Variants in KIF3A observed in about 807,000 individuals in gnomAD.
The protein encoded by KIF3A is kinesin family member 3A, also known as kinesin-like protein KIF3A.
Under a neutral mutation model 92.6 loss-of-function variants are expected in KIF3A, and 27 were observed. The ratio of observed to expected loss-of-function variants is 0.29; its 90% CI spans 0.21 to 0.40. The LOEUF (loss-of-function observed/expected upper bound fraction) is 0.40, where lower values mean the gene tolerates loss of function less well. KIF3A is among the 10% of genes least tolerant of loss of function. KIF3A has a pLI of 1.00. For synonymous variants in KIF3A, 250 were observed against 275.4 expected (o/e 0.91, Z 0.92); for missense variants, 581 against 872.6 (o/e 0.67, Z 4.21).
At position 132,737,360 on chromosome 5, in the gene KIF3A, G is replaced by A. The variant is rs571706875; in HGVS notation, c.6+54C>T. ...CCTCCATGGCAACGGCCGCGCCCCC[G>A]GGCCAGGCCGCTAGGATGAGAAGAA... On this transcript the variant is annotated intron_variant, in intron 1 of 18. Transcript: ENST00000403231. The A allele has an allele frequency of 6.6e-5, 103 of 1,567,940 alleles. No homozygotes were observed. In the African/African-American group the frequency reaches 9.1e-4, roughly 14 times the overall value.
chr5:132,700,051 C>A (rs1289172600), intron 17 of KIF3A, among the ~76,000 whole-genome samples, 165 bp downstream of exon 17: 1 of 152,156 alleles, frequency 6.6e-6, no homozygotes, highest in Non-Finnish European at 1.5e-5. Context: ...AACTGTCCTC[C>A]TCATCACCCC....
chr5:132,703,076 G>T lies in KIF3A; in HGVS notation c.1467-11C>A. 1.3e-6 allele frequency: 2 copies of T among 1,592,368 alleles called. No homozygotes were observed. The highest frequency in any genetic ancestry group is 1.7e-6 in the Non-Finnish European group (2 of 1,170,596). ...GACTGATGCTCTTGTCTGTTGATTA[G>T]AATGAGAATACTCTATATTCACTGA... On this transcript the variant is annotated splice_polypyrimidine_tract_variant and intron_variant, in intron 12 of 18. Transcript: ENST00000403231.
intron 4 of KIF3A, among the ~76,000 whole-genome samples, chr5:132,724,806 AATATATATATATAT>A (rs1167332306): frequency 1.9e-3 from 43 of 22,686 alleles, no homozygotes; most frequent in African/African-American, 7.4e-3. Flanking sequence ...AAAAAAAAAA[AATATATATATATAT>A]ATATATATAT....
chr5:132,727,043 A>G (rs1292002999), intron 2 of KIF3A, among the ~76,000 whole-genome samples: 1 of 152,242 alleles, frequency 6.6e-6, no homozygotes, highest in African/African-American at 2.4e-5. Context: ...CCTCATAGAA[A>G]GTATCAGTAA....
At chr5:132,710,389 G>A (rs1425200386) in intron 9 of KIF3A, among the ~76,000 whole-genome samples, 1 of 152,182 alleles carries the variant, frequency 6.6e-6, no homozygotes, top group Non-Finnish European at 1.5e-5. Context: ...GGCCGAGGCA[G>A]ATGGATCATG....
At chr5:132,718,421 G>A (rs1028243218) in intron 5 of KIF3A, among the ~76,000 whole-genome samples, 9 of 148,854 alleles carry the variant, frequency 6.0e-5, no homozygotes, top group African/African-American at 2.0e-4. Context: ...GTGATCCTCC[G>A]GCCTCAACCT....
chr5:132,718,336 G>T (rs1753705153), intron 5 of KIF3A, among the ~76,000 whole-genome samples: 1 of 152,102 alleles, frequency 6.6e-6, no homozygotes, highest in Non-Finnish European at 1.5e-5. Flanking sequence ...TTGAGACAGG[G>T]TCTCCCTCTG....
chr5:132,691,266 G>C (rs1050420130), downstream of KIF3A, among the ~76,000 whole-genome samples: 3 of 152,156 alleles, frequency 2.0e-5, no homozygotes, highest in African/African-American at 7.2e-5. Flanking sequence ...GTATTTTTGG[G>C]GCTAGGCACA....
intron 8 of KIF3A, among the ~76,000 whole-genome samples, chr5:132,713,889 CTTTTTTTTTT>C (rs34191042): frequency 8.4e-5 from 7 of 83,760 alleles, no homozygotes; most frequent in African/African-American, 2.9e-4. Flanking sequence ...ATTTCACTTT[CTTTTTTTTTT>C]TTTTTTTTTT....
Position 132,708,992 on chromosome 5 carries a change from A to G in KIF3A, c.1229-14T>C, listed in dbSNP as rs1025680744. 17 of 1,540,414 alleles carry G rather than the reference A, an allele frequency of 1.1e-5. No homozygotes were observed. Among genetic ancestry groups the G allele is most frequent in the Non-Finnish European group, 1.4e-5 (16 of 1,137,898 alleles). ...TGCTGCTACTGCCTGGAAAACAAAGAAATGAGCCCAACAGGAACCAAAGAA... is the reference window on the plus strand; with the variant it reads ...TGCTGCTACTGCCTGGAAAACAAAGGAATGAGCCCAACAGGAACCAAAGAA... On this transcript the variant is annotated splice_polypyrimidine_tract_variant and intron_variant, in intron 9 of 18. Coordinates refer to ENST00000403231, the MANE Select transcript of KIF3A (RefSeq NM_001300791.2).
chr5:132,707,130 CTTT>C (rs796197058), intron 10 of KIF3A, among the ~76,000 whole-genome samples: 3 of 144,072 alleles, frequency 2.1e-5, no homozygotes, highest in Admixed American at 1.4e-4. Context: ...GGATTAAGGG[CTTT>C]TTTTTTTTTC....
chr5:132,705,085 T>C (rs1271702449), intron 11 of KIF3A, among the ~76,000 whole-genome samples: 2 of 151,954 alleles, frequency 1.3e-5, no homozygotes, highest in African/African-American at 4.8e-5. Flanking sequence ...AAAGTCAGGA[T>C]GTAGACTGAT....
intron 13 of KIF3A, 27 bp downstream of exon 13, chr5:132,702,858 C>G: frequency 6.2e-7 from 1 of 1,603,234 alleles, no homozygotes; most frequent in South Asian, 1.1e-5. Flanking sequence ...GGCAAAATAC[C>G]AAACTAAAAA....
chr5:132,719,432 A>T (rs1339161891), intron 5 of KIF3A, among the ~76,000 whole-genome samples: 1 of 152,044 alleles, frequency 6.6e-6, no homozygotes, highest in Non-Finnish European at 1.5e-5. Flanking sequence ...TGATATATCT[A>T]TCGTCAAGTC....
intron 11 of KIF3A, among the ~76,000 whole-genome samples, chr5:132,704,318 G>A (rs1753139177): frequency 6.6e-6 from 1 of 151,740 alleles, no homozygotes. Flanking sequence ...TACACTAAAG[G>A]AACAACTAAA....
intron 4 of KIF3A, among the ~76,000 whole-genome samples, chr5:132,724,809 ATATATATATATATATATATAT>A (rs1753968761): frequency 1.9e-4 from 2 of 10,516 alleles, no homozygotes; most frequent in Non-Finnish European, 5.0e-4. Context: ...AAAAAAAAAT[ATATATATATATATATATATAT>A]ATATATATAT....
At chr5:132,735,569 G>A (rs1478703864) in intron 1 of KIF3A, among the ~76,000 whole-genome samples, 1 of 152,090 alleles carries the variant, frequency 6.6e-6, no homozygotes, top group Non-Finnish European at 1.5e-5. Context: ...GATTATATCA[G>A]TACAATACAC....
intron 2 of KIF3A, among the ~76,000 whole-genome samples, chr5:132,730,495 TAGA>T (rs1754191816): frequency 7.9e-6 from 1 of 127,246 alleles, no homozygotes. Flanking sequence ...AAAGAAAAAA[TAGA>T]TAACCTGGCC....
At chr5:132,734,663 C>A (rs1179983086) in intron 1 of KIF3A, among the ~76,000 whole-genome samples, 185 bp from the exon 2 acceptor site, 2 of 152,062 alleles carry the variant, frequency 1.3e-5, no homozygotes, top group East Asian at 3.8e-4. Flanking sequence ...TTAAAAGATA[C>A]AAAAAGGAAA....
Sources: gnomAD v4.1 joint callset for allele counts (sites outside exome capture counted in the v4.1 genomes callset) on GRCh38, gnomAD v4.1.1 for gene constraint, MANE v1.5 for transcripts, NCBI Gene and HGNC (gene_info 2026-07-23, HGNC 2026-07-21) for gene names.